SMG6: variants seen among roughly 807,000 people sequenced by gnomAD.
SMG6 encodes the protein telomerase-binding protein EST1A.
A neutral mutation model predicts 142.2 loss-of-function variants in SMG6; 66 were observed. That is an observed-to-expected ratio of 0.46 (90% CI 0.38 to 0.57). The LOEUF (loss-of-function observed/expected upper bound fraction) is 0.57. Ranked by LOEUF, SMG6 falls within the 20% of genes least tolerant of loss-of-function variation. The pLI, the probability that SMG6 is intolerant of heterozygous loss-of-function variation, is 0.00. For missense variants in SMG6, 1,793 were observed against 1,832.0 expected, an observed-to-expected ratio of 0.98 and a Z score of 0.39; for synonymous variants, 779 against 702.4, an observed-to-expected ratio of 1.11 and a Z score of -1.72.
chr17:2,120,959 T>C (rs533384945), intron 13 of SMG6, among the ~76,000 whole-genome samples: 2 of 152,082 alleles, frequency 1.3e-5, no homozygotes, highest in African/African-American at 4.8e-5. Context: ...GCACCAACTA[T>C]AGATGATGAG....
intron 10 of SMG6, chr17:2,215,377 T>C (rs965760603): frequency 2.6e-5 from 4 of 152,164 alleles, no homozygotes; most frequent in African/African-American, 9.7e-5. Context: ...TTTAAAACAT[T>C]TATTTTTGTT....
intron 12 of SMG6, among the ~76,000 whole-genome samples, chr17:2,178,891 C>T (rs1043202409): frequency 4.6e-5 from 7 of 152,200 alleles, no homozygotes; most frequent in African/African-American, 1.7e-4. Context: ...TGTAACCACT[C>T]CAACACGTCT....
At chr17:2,202,669 A>G (rs533250997) in intron 10 of SMG6, among the ~76,000 whole-genome samples, 25 of 152,272 alleles carry the variant, frequency 1.6e-4, no homozygotes, top group Non-Finnish European at 1.5e-5. Context: ...GTAGACATAC[A>G]TGAGTACCCA....
At chr17:2,065,390 C>T (rs1353153250) in intron 17 of SMG6, 78 bp downstream of exon 17, 18 of 1,427,690 alleles carry the variant, frequency 1.3e-5, no homozygotes, top group Non-Finnish European at 1.6e-5. Flanking sequence ...GCTGATGGGC[C>T]TCCTTCAGCC....
intron 10 of SMG6, among the ~76,000 whole-genome samples, chr17:2,199,578 T>A (rs915296631): frequency 1.3e-5 from 2 of 151,174 alleles, no homozygotes; most frequent in African/African-American, 4.8e-5. Context: ...AATAAATAAA[T>A]AAAAATAAAA....
intron 10 of SMG6, among the ~76,000 whole-genome samples, chr17:2,217,807 G>C (rs1038592647): frequency 6.6e-6 from 1 of 151,874 alleles, no homozygotes. Flanking sequence ...TCAGGAGATC[G>C]AGACGATCCT....
chr17:2,127,641 C>A (rs1270236155), intron 13 of SMG6: 4 of 569,300 alleles, frequency 7.0e-6, no homozygotes, highest in Non-Finnish European at 1.4e-5. Context: ...TCCTTTCATT[C>A]AACGAATACA....
chr17:2,187,047 C>A (rs4362428), intron 11 of SMG6, among the ~76,000 whole-genome samples: 51,919 of 152,136 alleles, frequency 0.34, 9,878 homozygotes, highest in Admixed American at 0.43. Flanking sequence ...GACACAACTG[C>A]TTCTGCTTCA....
At chr17:2,297,816 C>G in intron 3 of SMG6, 47 bp downstream of exon 3, 1 of 1,573,336 alleles carries the variant, frequency 6.4e-7, no homozygotes, top group Non-Finnish European at 8.6e-7. Flanking sequence ...ATCGTAACTA[C>G]AGAATGCTGA....
chr17:2,301,997 A>T (rs2075289274), intron 1 of SMG6, among the ~76,000 whole-genome samples: 1 of 152,270 alleles, frequency 6.6e-6, no homozygotes, highest in Non-Finnish European at 1.5e-5. Flanking sequence ...TCACGCCTAT[A>T]ATCCCAGCAC....
intron 8 of SMG6, among the ~76,000 whole-genome samples, chr17:2,259,781 A>G (rs1273988365): frequency 2.0e-5 from 3 of 151,962 alleles, no homozygotes; most frequent in African/African-American, 7.3e-5. Flanking sequence ...CTCTCTACCT[A>G]CCTAACGCCA....
chr17:2,238,969 T>C (rs2073737329), intron 9 of SMG6, among the ~76,000 whole-genome samples: 1 of 152,176 alleles, frequency 6.6e-6, no homozygotes, highest in Non-Finnish European at 1.5e-5. Flanking sequence ...ACCAGCCTTG[T>C]TCAGCAGTAA....
intron 13 of SMG6, among the ~76,000 whole-genome samples, chr17:2,112,101 T>G (rs2069338881): frequency 6.6e-6 from 1 of 152,068 alleles, no homozygotes; most frequent in Non-Finnish European, 1.5e-5. Flanking sequence ...CCCTCCGTAC[T>G]GGTAGGTATA....
Position 2,297,086 on chromosome 17 carries a change from T to C in SMG6, c.2151+157A>G, listed in dbSNP as rs1056322369. Reference sequence around the variant, plus strand: ...CTATATACCACTACCATAGTACATATGACATTACAATTGTTGGTTTAATCT... The same window carrying C: ...CTATATACCACTACCATAGTACATACGACATTACAATTGTTGGTTTAATCT... On this transcript the variant is annotated intron_variant, in intron 4 of 18. Coordinates refer to ENST00000263073, the MANE Select transcript of SMG6 (RefSeq NM_017575.5). 2.6e-5 allele frequency among the ~76,000 whole-genome samples: 4 copies of C among 151,610 alleles called. No homozygotes were observed. In the East Asian group the frequency reaches 7.7e-4, roughly 29 times the overall value.
In SMG6 at chr17:2,135,600, A is replaced by G. The variant is rs569078273; in HGVS notation, c.3357+37058T>C. Among the ~76,000 whole-genome samples, 96 of 152,336 alleles carry G rather than the reference A, an allele frequency of 6.3e-4. 3 individuals carry two copies. The South Asian group carries it at 0.02, about 31-fold the overall frequency. ...TATTATGCTTGACAATACAGTACCC[A>G]TTAGTCTCATGTGGTTACTGACCAC... On this transcript the variant is annotated intron_variant, in intron 13 of 18. Transcript: ENST00000263073.
chr17:2,214,583 G>A (rs574761898), intron 10 of SMG6, among the ~76,000 whole-genome samples: 67 of 151,674 alleles, frequency 4.4e-4, no homozygotes, highest in African/African-American at 1.6e-3. Flanking sequence ...ACTAGAAACC[G>A]GCAGTCAACG....
At chr17:2,292,838 G>A (rs963995056) in intron 5 of SMG6, 33 bp downstream of exon 5, 18 of 1,578,150 alleles carry the variant, frequency 1.1e-5, no homozygotes, top group African/African-American at 9.4e-5. Flanking sequence ...AGCCACATAG[G>A]GAAGAGAAAT....
At chr17:2,279,175 GGT>G (rs912795504) in intron 8 of SMG6, among the ~76,000 whole-genome samples, 3 of 152,162 alleles carry the variant, frequency 2.0e-5, no homozygotes, top group African/African-American at 7.2e-5. Context: ...AGACCTGAAG[GGT>G]AAGAAAGAAA....
At chr17:2,183,004 G>A (rs1184080442) in intron 12 of SMG6, among the ~76,000 whole-genome samples, 5 of 152,094 alleles carry the variant, frequency 3.3e-5, no homozygotes, top group African/African-American at 9.7e-5. Flanking sequence ...CAGGCAGACC[G>A]CTTTAGCCCA....
Sources: gnomAD v4.1 joint callset for allele counts (sites outside exome capture counted in the v4.1 genomes callset) on GRCh38, gnomAD v4.1.1 for gene constraint, MANE v1.5 for transcripts, NCBI Gene and HGNC (gene_info 2026-07-23, HGNC 2026-07-21) for gene names.